Variants in UBE2E2 observed in about 807,000 individuals in gnomAD.
The protein encoded by UBE2E2 is ubiquitin-conjugating enzyme E2 E2.
Under a neutral mutation model 24.7 loss-of-function variants are expected in UBE2E2, and 6 were observed. The ratio of observed to expected loss-of-function variants is 0.24; its 90% CI spans 0.13 to 0.48. UBE2E2 has a LOEUF of 0.48. Ranked by LOEUF, UBE2E2 falls within the 20% of genes least tolerant of loss-of-function variation. The pLI, the probability that UBE2E2 is intolerant of heterozygous loss-of-function variation, is 0.99. For synonymous variants in UBE2E2, 104 were observed against 83.6 expected (o/e 1.24, Z -1.33); for missense variants, 169 against 245.0 (o/e 0.69, Z 2.07).
Position 23,435,403 on chromosome 3 carries a change from C to T in UBE2E2, c.228-64205C>T, listed in dbSNP as rs183626171. On this transcript the variant is annotated intron_variant, in intron 3 of 5. Transcript: ENST00000396703. Reference sequence around the variant, plus strand: ...GTTACTTGGTGTGAGGTCTGATTCACACAGCCAGTAAGTGGTGGTTTTGGT... The same window carrying T: ...GTTACTTGGTGTGAGGTCTGATTCATACAGCCAGTAAGTGGTGGTTTTGGT... Among the ~76,000 whole-genome samples, 4 of 152,344 alleles carry T rather than the reference C, an allele frequency of 2.6e-5. No individual in the cohort carries two copies. The East Asian group carries it at 5.8e-4, about 22-fold the overall frequency.
rs547444433 is a variant in UBE2E2, at chr3:23,466,176, C to T, written c.228-33432C>T. 6.9e-4 allele frequency among the ~76,000 whole-genome samples: 105 copies of T among 152,162 alleles called. No individual in the cohort carries two copies. In the South Asian group the frequency reaches 0.011, roughly 16 times the overall value. ...TAGGAAAAGTATACAGCCAGCACAC[C>T]AAAGCCATGACTTCATGATTTTTTA... On this transcript the variant is annotated intron_variant, in intron 3 of 5. Coordinates refer to ENST00000396703, the MANE Select transcript of UBE2E2 (RefSeq NM_152653.4).
chr3:23,355,951 C>A (rs1366664533), intron 3 of UBE2E2, among the ~76,000 whole-genome samples: 1 of 152,210 alleles, frequency 6.6e-6, no homozygotes, highest in Non-Finnish European at 1.5e-5. Flanking sequence ...CCTGCCATTT[C>A]TTGTTTTACA....
chr3:23,464,291 A>AAC (rs1203954365), intron 3 of UBE2E2, among the ~76,000 whole-genome samples: 3 of 152,156 alleles, frequency 2.0e-5, no homozygotes, highest in Non-Finnish European at 4.4e-5. Flanking sequence ...ACTTACCTTT[A>AAC]TAGGAAATAC....
intron 3 of UBE2E2, among the ~76,000 whole-genome samples, chr3:23,257,512 G>GTCCCCCCC (rs1697762836): frequency 3.2e-5 from 1 of 31,148 alleles, no homozygotes; most frequent in Non-Finnish European, 5.9e-5. Flanking sequence ...TGTTTCCCGT[G>GTCCCCCCC]CCCCCCCCCC....
intron 3 of UBE2E2, among the ~76,000 whole-genome samples, chr3:23,229,912 T>C (rs745892241): frequency 1.3e-4 from 20 of 152,208 alleles, no homozygotes; most frequent in Non-Finnish European, 2.6e-4. Flanking sequence ...GAAAAATAGC[T>C]TTTTAAGGTT....
intron 3 of UBE2E2, among the ~76,000 whole-genome samples, chr3:23,274,210 T>C (rs768835937): frequency 3.9e-5 from 6 of 152,264 alleles, no homozygotes; most frequent in Non-Finnish European, 5.9e-5. Context: ...ACAATTATTA[T>C]CTTTTGATAC....
At position 23,492,693 on chromosome 3, in the gene UBE2E2, TAAC is replaced by T. The variant is rs370118701; in HGVS notation, c.228-6912_228-6910del. Among the ~76,000 whole-genome samples the T allele has an allele frequency of 1.7e-3, 261 of 152,306 alleles. 1 individual carries two copies. The highest frequency in any genetic ancestry group is 6.1e-3 in the African/African-American group (252 of 41,580). On this transcript the variant is annotated intron_variant, in intron 3 of 5. Transcript: ENST00000396703. ...AATCCCTTCAATCAAGATTTAGACT[TAAC>T]AATATACATAGCTTATGTTTTTTCA...
intron 5 of UBE2E2, among the ~76,000 whole-genome samples, chr3:23,563,176 A>G (rs919864667): frequency 2.0e-5 from 3 of 152,190 alleles, no homozygotes; most frequent in African/African-American, 4.8e-5. Flanking sequence ...TGTCAATTTT[A>G]GATCTTTCCT....
intron 3 of UBE2E2, among the ~76,000 whole-genome samples, chr3:23,337,279 G>T (rs1695238372): frequency 6.6e-6 from 1 of 152,134 alleles, no homozygotes; most frequent in Non-Finnish European, 1.5e-5. Context: ...TCTATGTATT[G>T]CTGGTAGTTG....
intron 3 of UBE2E2, among the ~76,000 whole-genome samples, chr3:23,367,214 A>G (rs545180692): frequency 6.6e-6 from 1 of 152,314 alleles, no homozygotes; most frequent in East Asian, 1.9e-4. Flanking sequence ...ACCAATCTTT[A>G]TGATAGAATG....
intron 3 of UBE2E2, among the ~76,000 whole-genome samples, chr3:23,458,481 C>T (rs1698732940): frequency 6.7e-6 from 1 of 149,464 alleles, no homozygotes; most frequent in Admixed American, 7.0e-5. Context: ...GCAGTGGCGC[C>T]ATCTCAGCTC....
At chr3:23,301,974 T>G (rs1042903016) in intron 3 of UBE2E2, among the ~76,000 whole-genome samples, 2 of 151,032 alleles carry the variant, frequency 1.3e-5, no homozygotes, top group Non-Finnish European at 2.9e-5. Flanking sequence ...TTCTTTGTCT[T>G]TAATCATTTT....
At chr3:23,465,794 A>G (rs940082129) in intron 3 of UBE2E2, among the ~76,000 whole-genome samples, 3 of 152,126 alleles carry the variant, frequency 2.0e-5, no homozygotes, top group Non-Finnish European at 2.9e-5. Context: ...TTGAATTCCT[A>G]CAGAAGCCCT....
intron 3 of UBE2E2, among the ~76,000 whole-genome samples, chr3:23,376,456 A>T (rs766388403): frequency 3.0e-4 from 45 of 152,358 alleles, no homozygotes; most frequent in Non-Finnish European, 5.6e-4. Context: ...GATAGGTAAG[A>T]TACGTGAACC....
chr3:23,210,104 G>T (rs1033204265), intron 2 of UBE2E2, among the ~76,000 whole-genome samples: 3 of 152,102 alleles, frequency 2.0e-5, no homozygotes, highest in African/African-American at 2.4e-5. Context: ...AAAATGGGGG[G>T]TGGGGTTAGG....
At chr3:23,237,716 CTTACAGGTAGGCGAATT>C (rs1166080022) in intron 3 of UBE2E2, among the ~76,000 whole-genome samples, 2 of 152,030 alleles carry the variant, frequency 1.3e-5, no homozygotes, top group Non-Finnish European at 2.9e-5. Flanking sequence ...TTGCTTCATT[CTTACAGGTAGGCGAATT>C]GTAGAGGTCT....
chr3:23,483,901 T>C (rs147116943), intron 3 of UBE2E2, among the ~76,000 whole-genome samples: 1 of 152,262 alleles, frequency 6.6e-6, no homozygotes, highest in East Asian at 1.9e-4. Flanking sequence ...TTAAAGAAAT[T>C]ATGTACTGAC....
intron 3 of UBE2E2, among the ~76,000 whole-genome samples, chr3:23,384,427 G>A (rs1168223660): frequency 6.6e-6 from 1 of 152,178 alleles, no homozygotes; most frequent in Non-Finnish European, 1.5e-5. Flanking sequence ...GCCTTCAAAA[G>A]TGCTGGGATT....
At chr3:23,331,601 A>G (rs1695061191) in intron 3 of UBE2E2, among the ~76,000 whole-genome samples, 1 of 152,044 alleles carries the variant, frequency 6.6e-6, no homozygotes, top group South Asian at 2.1e-4. Context: ...GGAGGGGACA[A>G]GGTGTGCTAA....
Sources: allele counts gnomAD v4.1 joint callset (sites outside exome capture counted in the v4.1 genomes callset), GRCh38; gene constraint gnomAD v4.1.1; transcripts MANE v1.5; gene names NCBI Gene and HGNC (gene_info 2026-07-23, HGNC 2026-07-21).